DDX50: variants seen among roughly 807,000 people sequenced by gnomAD.
DDX50 encodes the protein DExD-box helicase 50.
Under a neutral mutation model 94.8 loss-of-function variants are expected in DDX50, and 56 were observed. The ratio of observed to expected loss-of-function variants is 0.59; its 90% CI spans 0.48 to 0.74. DDX50 has a LOEUF of 0.74. DDX50 is among the 30% of genes least tolerant of loss of function. DDX50 has a pLI of 0.00. For missense variants in DDX50, 713 were observed against 881.2 expected (o/e 0.81, Z 2.42); for synonymous variants, 264 against 295.4 (o/e 0.89, Z 1.09).
At chr10:68,904,056 A>G (rs1841371322) in intron 1 of DDX50, among the ~76,000 whole-genome samples, 1 of 151,588 alleles carries the variant, frequency 6.6e-6, no homozygotes, top group African/African-American at 2.4e-5. Flanking sequence ...AGGCAGGAGA[A>G]TTGCTTGAAC....
At chr10:68,904,351 T>A (rs1042873540) in intron 1 of DDX50, among the ~76,000 whole-genome samples, 2 of 151,874 alleles carry the variant, frequency 1.3e-5, no homozygotes, top group Non-Finnish European at 2.9e-5. Flanking sequence ...GGTATTGAGG[T>A]GAGGATAACT....
intron 8 of DDX50, among the ~76,000 whole-genome samples, chr10:68,930,063 C>G (rs1233982685): frequency 7.6e-6 from 1 of 130,926 alleles, no homozygotes; most frequent in Non-Finnish European, 1.5e-5. Flanking sequence ...TCCTTCCTTT[C>G]TTTTCCTTCC....
Position 68,946,455 on chromosome 10 carries a change from G to GTGGC in DDX50, c.2043_2046dup (p.Ser683LeufsTer22). The GTGGC allele has an allele frequency of 6.2e-7, 1 of 1,614,224 alleles. No homozygotes were observed. Among genetic ancestry groups the GTGGC allele is most frequent in the Non-Finnish European group, 8.5e-7 (1 of 1,180,038 alleles). ...ACATCTTCTAATTCCAGACAGAGGA[G>GTGGC]TGGCTGGTCAAGTGGTCGATCAGGC... On this transcript the variant is annotated frameshift_variant, in exon 15 of 15. Coordinates refer to ENST00000373585, the MANE Select transcript of DDX50 (RefSeq NM_024045.2). LOFTEE classifies it high-confidence loss of function.
rs77305026 is a variant in DDX50 at position 68,941,499 on chromosome 10, G to A, written c.1890+305G>A. On this transcript the variant is annotated intron_variant, in intron 13 of 14. Transcript: ENST00000373585. Reference sequence around the variant, plus strand: ...TATTTTTTAAATTTTATTTATTTACGACTTTATAGTGATGAGGTCTCACTA... The same window carrying A: ...TATTTTTTAAATTTTATTTATTTACAACTTTATAGTGATGAGGTCTCACTA... Among the ~76,000 whole-genome samples, 968 of 151,866 alleles carry A rather than the reference G, an allele frequency of 6.4e-3. 6 individuals are homozygous for A. Among genetic ancestry groups the A allele is most frequent in the Non-Finnish European group, 9.8e-3 (665 of 67,966 alleles).
At chr10:68,931,375 G>A (rs10998492) in intron 8 of DDX50, among the ~76,000 whole-genome samples, 10,210 of 118,852 alleles carry the variant, frequency 0.086, 543 homozygotes, top group African/African-American at 0.17. Context: ...GGTGGGTGAC[G>A]GATCATTAAA....
At chr10:68,922,427 CT>C (rs1239498347) in intron 8 of DDX50, among the ~76,000 whole-genome samples, 1 of 152,112 alleles carries the variant, frequency 6.6e-6, no homozygotes, top group Non-Finnish European at 1.5e-5. Context: ...ATTTCTACTT[CT>C]TTCTTGAGTT....
chr10:68,939,726 C>T (rs1201159598), intron 12 of DDX50, among the ~76,000 whole-genome samples: 1 of 152,158 alleles, frequency 6.6e-6, no homozygotes. Context: ...CTTTCTTGAT[C>T]ACTCTAAAAT....
intron 1 of DDX50, among the ~76,000 whole-genome samples, chr10:68,903,059 A>G (rs753892257): frequency 1.3e-5 from 2 of 152,222 alleles, no homozygotes; most frequent in Non-Finnish European, 2.9e-5. Flanking sequence ...AAAGATAACC[A>G]GAGATTTGGA....
chr10:68,942,096 T>C (rs914289679), intron 13 of DDX50, among the ~76,000 whole-genome samples: 15 of 152,214 alleles, frequency 9.9e-5, no homozygotes, highest in Non-Finnish European at 1.9e-4. Context: ...CATGTGTGTT[T>C]ATTTTGTAAG....
chr10:68,911,059 A>G lies in DDX50; in HGVS notation c.461-9A>G. 1.4e-6 allele frequency: 2 copies of G among 1,479,772 alleles called. No homozygotes were observed. Among genetic ancestry groups the G allele is most frequent in the Non-Finnish European group, 1.8e-6 (2 of 1,113,544 alleles). The allele number at this position is 1,479,772 out of a possible 1,614,324, so 91.7% of individuals were successfully genotyped here. On this transcript the variant is annotated splice_polypyrimidine_tract_variant and intron_variant, in intron 3 of 14. Coordinates refer to ENST00000373585, the MANE Select transcript of DDX50 (RefSeq NM_024045.2). ...TAAAGAAGTATTTTAATTAAATCTC[A>G]TTTTACAGGTCGAGGGGTAACATAT...
Position 68,915,676 on chromosome 10 carries a change from A to G in DDX50, c.1089+1472A>G, listed in dbSNP as rs180938186. Among the ~76,000 whole-genome samples the G allele has an allele frequency of 2.0e-4, 30 of 151,856 alleles. No homozygotes were observed. In the East Asian group the frequency reaches 5.6e-3, roughly 28 times the overall value. On this transcript the variant is annotated intron_variant, in intron 7 of 14. Coordinates refer to ENST00000373585, the MANE Select transcript of DDX50 (RefSeq NM_024045.2). ...GGTTGCAGTGAGCCAAGATCGTGCC[A>G]CTGCACTCCAGTCTGGAGACAGAGT...
Position 68,911,084 on chromosome 10 carries a change from T to C in DDX50, c.477T>C (p.Tyr159=). The C allele has an allele frequency of 7.1e-6, 11 of 1,558,172 alleles. No individual in the cohort carries two copies. The highest frequency in any genetic ancestry group is 8.6e-6 in the Non-Finnish European group (10 of 1,156,780). The change falls in exon 4 of 15, where the codon TAT becomes TAC. Residue 159 remains tyrosine (Y), a synonymous_variant. Transcript: ENST00000373585. Reference sequence around the variant, plus strand: ...ATTTTACAGGTCGAGGGGTAACATATCTCTTTCCTATTCAAGTTAAGACCT... The same window carrying C: ...ATTTTACAGGTCGAGGGGTAACATACCTCTTTCCTATTCAAGTTAAGACCT... ...IKLLKGRGVT[Y]LFPIQVKTFG... is the part of the protein sequence containing the mutation.
At chr10:68,924,083 CAGTAGCTGGGATTAG>C in intron 8 of DDX50, among the ~76,000 whole-genome samples, 1 of 150,594 alleles carries the variant, frequency 6.6e-6, no homozygotes, top group South Asian at 2.1e-4. Flanking sequence ...CACAGTACTA[CAGTAGCTGGGATTAG>C]AGTTGCTGGG....
chr10:68,905,104 C>T (rs978748910), intron 1 of DDX50, among the ~76,000 whole-genome samples: 7 of 152,218 alleles, frequency 4.6e-5, no homozygotes, highest in East Asian at 1.9e-4. Flanking sequence ...TTTGTAGAGA[C>T]GGGGTTTCCC....
intron 8 of DDX50, among the ~76,000 whole-genome samples, chr10:68,931,432 A>ACACACACACACACACACACAC (rs1261998646): frequency 1.1e-3 from 68 of 61,458 alleles, no homozygotes; most frequent in East Asian, 5.1e-3. Flanking sequence ...TATATACACA[A>ACACACACACACACACACACAC]ACACACACAC....
At chr10:68,938,927 TGGTAG>T (rs1228333776) in intron 12 of DDX50, among the ~76,000 whole-genome samples, 1 of 152,234 alleles carries the variant, frequency 6.6e-6, no homozygotes, top group Admixed American at 6.5e-5. Flanking sequence ...GTCGGTTGTT[TGGTAG>T]AATATCTCAC....
chr10:68,944,140 C>T (rs11815013), intron 14 of DDX50, among the ~76,000 whole-genome samples: 17,505 of 152,124 alleles, frequency 0.12, 1,285 homozygotes, highest in Admixed American at 0.18. Flanking sequence ...CATAATTAAA[C>T]TCCCCCAAAA....
chr10:68,917,820 C>G (rs1277463637), intron 7 of DDX50, among the ~76,000 whole-genome samples: 4 of 152,034 alleles, frequency 2.6e-5, no homozygotes, highest in African/African-American at 9.7e-5. Context: ...CCAGGCTAGT[C>G]TGGAAGTCCT....
At chr10:68,936,371 C>A (rs1842406499) in intron 11 of DDX50, among the ~76,000 whole-genome samples, 1 of 149,784 alleles carries the variant, frequency 6.7e-6, no homozygotes, top group Admixed American at 6.7e-5. Flanking sequence ...CGCCTGTAGT[C>A]CCAGCTACTT....
Sources: allele counts gnomAD v4.1 joint callset (sites outside exome capture counted in the v4.1 genomes callset), GRCh38; gene constraint gnomAD v4.1.1; transcripts MANE v1.5; gene names NCBI Gene and HGNC (gene_info 2026-07-23, HGNC 2026-07-21).